Variants in SPTBN1 observed in about 807,000 individuals in gnomAD.
SPTBN1 encodes the protein spectrin beta, non-erythrocytic 1.
A neutral mutation model predicts 266.4 loss-of-function variants in SPTBN1; 32 were observed. The ratio of observed to expected loss-of-function variants is 0.12; its 90% CI spans 0.09 to 0.16. The LOEUF (loss-of-function observed/expected upper bound fraction) is 0.16, where lower values mean the gene tolerates loss of function less well. Among genes scored for constraint, SPTBN1 ranks in the 10% least tolerant of loss-of-function variants. SPTBN1 has a pLI of 1.00. For missense variants in SPTBN1, 2,296 were observed against 3,067.1 expected, an observed-to-expected ratio of 0.75 and a Z score of 5.94; for synonymous variants, 1,336 against 1,162.2, an observed-to-expected ratio of 1.15 and a Z score of -3.04.
chr2:54,653,655 C>G lies in SPTBN1; in HGVS notation c.5624C>G (p.Ala1875Gly). The change falls in exon 27 of 36, where the codon GCG (alanine) becomes GGG (glycine). Residue 1875 changes from alanine (A) to glycine (G), a missense_variant. Coordinates refer to ENST00000356805, the MANE Select transcript of SPTBN1 (RefSeq NM_003128.3). The surrounding 1 kb of genome is among the most constrained non-coding windows in gnomAD (Gnocchi z 5.1). ...GCAGCCCGCCTCCAGGCGGCCTATG[C>G]GGGTGACAAGGCCGACGATATCCAG... ...EDAARLQAAY[A>G]GDKADDIQKR... 1 of 1,614,006 alleles carries G rather than the reference C, an allele frequency of 6.2e-7. No homozygotes were observed. Among genetic ancestry groups the G allele is most frequent in the South Asian group, 1.1e-5 (1 of 91,080 alleles).
At chr2:54,457,379 GT>G in intron 1 of SPTBN1, 1 of 152,624 alleles carries the variant, frequency 6.6e-6, no homozygotes, top group Non-Finnish European at 1.5e-5. Context: ...CCTTCTCTTT[GT>G]TTTTGTGATA....
At chr2:54,469,571 AGCCT>A (rs1693812513) in intron 1 of SPTBN1, among the ~76,000 whole-genome samples, 1 of 152,176 alleles carries the variant, frequency 6.6e-6, no homozygotes, top group Non-Finnish European at 1.5e-5. Flanking sequence ...AGCTGCCTGA[AGCCT>A]GGTGTAGGAG....
chr2:54,595,422 A>G (rs1393867823), intron 2 of SPTBN1, among the ~76,000 whole-genome samples: 1 of 152,210 alleles, frequency 6.6e-6, no homozygotes, highest in Non-Finnish European at 1.5e-5. Flanking sequence ...GAACCTACTG[A>G]AAGGTTTAGC....
In SPTBN1 at chr2:54,650,215, AAAAT is replaced by A. The variant is rs914755133; in HGVS notation, c.5577+234_5577+237del. On this transcript the variant is annotated intron_variant, in intron 26 of 35. Coordinates refer to ENST00000356805, the MANE Select transcript of SPTBN1 (RefSeq NM_003128.3). ...ACATTAGATGAGTGCCCCCATGATT[AAAAT>A]AAATAAACCAGATGCATACACAGAT... Among the ~76,000 whole-genome samples the A allele has an allele frequency of 1.1e-3, 167 of 152,370 alleles. No homozygotes were observed. In the Middle Eastern group the frequency reaches 0.014, roughly 12 times the overall value.
intron 2 of SPTBN1, among the ~76,000 whole-genome samples, chr2:54,535,563 A>G (rs1333762284): frequency 6.6e-6 from 1 of 152,256 alleles, no homozygotes; most frequent in African/African-American, 2.4e-5. Flanking sequence ...TCCGTGCTGT[A>G]GCATGTATCA....
At chr2:54,596,511 G>A (rs1025395770) in intron 2 of SPTBN1, among the ~76,000 whole-genome samples, 4 of 152,028 alleles carry the variant, frequency 2.6e-5, no homozygotes, top group Admixed American at 1.3e-4. Flanking sequence ...TCTGGTCCCC[G>A]GATGGAATCT....
intron 3 of SPTBN1, among the ~76,000 whole-genome samples, chr2:54,609,087 GA>G (rs1477854671): frequency 6.6e-6 from 1 of 152,134 alleles, no homozygotes; most frequent in Non-Finnish European, 1.5e-5. Flanking sequence ...AGGGGAGGCA[GA>G]AGAGGCAGGG....
intron 2 of SPTBN1, among the ~76,000 whole-genome samples, chr2:54,583,316 T>G (rs1233922328): frequency 6.6e-6 from 1 of 152,196 alleles, no homozygotes; most frequent in Non-Finnish European, 1.5e-5. Context: ...CTCTTTCTGC[T>G]TCTGCGTCTA....
intron 17 of SPTBN1, among the ~76,000 whole-genome samples, chr2:54,636,907 A>T (rs1398368871): frequency 2.6e-5 from 4 of 152,188 alleles, no homozygotes; most frequent in African/African-American, 9.6e-5. Flanking sequence ...CCGCTATTGT[A>T]GTGGAGCCAC....
At chr2:54,665,506 T>C (rs542707387) in intron 33 of SPTBN1, among the ~76,000 whole-genome samples, 1 of 152,314 alleles carries the variant, frequency 6.6e-6, no homozygotes, top group African/African-American at 2.4e-5. Context: ...ACATAAGTAA[T>C]GAATCCGCAG....
chr2:54,483,383 G>C lies in SPTBN1; in HGVS notation c.-48+26865G>C, dbSNP rs113517305. On this transcript the variant is annotated intron_variant, in intron 1 of 35. Transcript: ENST00000356805. ...CCAAGGAAGGTAGGGTCACGGAAAA[G>C]CGAGGGGTTAGAGGAAACATGAAGT... Among the ~76,000 whole-genome samples the C allele has an allele frequency of 5.9e-3, 897 of 152,330 alleles. 12 individuals carry two copies. Among genetic ancestry groups the C allele is most frequent in the African/African-American group, 0.02 (848 of 41,566 alleles).
At chr2:54,514,709 TTC>T (rs1209482900) in intron 1 of SPTBN1, among the ~76,000 whole-genome samples, 3 of 152,198 alleles carry the variant, frequency 2.0e-5, no homozygotes, top group Non-Finnish European at 4.4e-5. Context: ...CTCTTCATCT[TTC>T]TGTCTTCTGA....
At chr2:54,600,608 A>T (rs6705313) in intron 3 of SPTBN1, among the ~76,000 whole-genome samples, 1 of 151,990 alleles carries the variant, frequency 6.6e-6, no homozygotes, top group Non-Finnish European at 1.5e-5. Context: ...GACTAGAATT[A>T]TTGTGATATG....
intron 1 of SPTBN1, among the ~76,000 whole-genome samples, chr2:54,481,223 T>C (rs990571464): frequency 6.6e-6 from 1 of 152,032 alleles, no homozygotes; most frequent in African/African-American, 2.4e-5. Context: ...CTTCAGATAC[T>C]CTTCCCATTA....
At chr2:54,640,444 A>G (rs1679451245) in intron 18 of SPTBN1, among the ~76,000 whole-genome samples, 1 of 152,210 alleles carries the variant, frequency 6.6e-6, no homozygotes, top group Non-Finnish European at 1.5e-5. Flanking sequence ...CTATTGTACC[A>G]GCAATACAGT....
At chr2:54,590,392 A>C (rs1402598874) in intron 2 of SPTBN1, among the ~76,000 whole-genome samples, 1 of 152,260 alleles carries the variant, frequency 6.6e-6, no homozygotes, top group Non-Finnish European at 1.5e-5. Flanking sequence ...GTTGTTGGAC[A>C]CTGGAGGTTT....
At chr2:54,571,546 TACACACAC>T (rs71408769) in intron 2 of SPTBN1, among the ~76,000 whole-genome samples, 41,460 of 134,296 alleles carry the variant, frequency 0.31, 7,120 homozygotes, top group Admixed American at 0.37. Context: ...TAATTGTATG[TACACACAC>T]ACACACACAC....
rs11896006 is a variant in SPTBN1, at chr2:54,628,552, C to A, written c.1798+302C>A. Reference sequence around the variant, plus strand: ...GCACCGACACCCTGGTGTGGCTGTTCCAGCAGCTCCTGGCTTTCACAGCTG... The same window carrying A: ...GCACCGACACCCTGGTGTGGCTGTTACAGCAGCTCCTGGCTTTCACAGCTG... On this transcript the variant is annotated intron_variant, in intron 13 of 35. Coordinates refer to ENST00000356805, the MANE Select transcript of SPTBN1 (RefSeq NM_003128.3). The surrounding 1 kb of genome is among the most constrained non-coding windows in gnomAD (Gnocchi z 4.3). Among the ~76,000 whole-genome samples the A allele has an allele frequency of 6.6e-6, 1 of 152,182 alleles. No individual in the cohort carries two copies. The highest frequency in any genetic ancestry group is 2.4e-5 in the African/African-American group (1 of 41,446).
intron 1 of SPTBN1, among the ~76,000 whole-genome samples, chr2:54,513,501 G>A (rs1669963671): frequency 6.6e-6 from 1 of 152,052 alleles, no homozygotes; most frequent in Admixed American, 6.5e-5. Flanking sequence ...CAACAAATAG[G>A]GCAGTGAAAT....
Sources: gnomAD v4.1 joint callset for allele counts (sites outside exome capture counted in the v4.1 genomes callset) on GRCh38, gnomAD v4.1.1 for gene constraint, Gnocchi (gnomAD v3.1) non-coding constraint, MANE v1.5 for transcripts, NCBI Gene and HGNC (gene_info 2026-07-23, HGNC 2026-07-21) for gene names.